Variants in OSBPL10 observed in about 807,000 individuals in gnomAD.
OSBPL10 encodes oxysterol-binding protein-related protein 10.
OSBPL10 carries 49 observed loss-of-function variants against 81.7 expected under a neutral mutation model. That is an observed-to-expected ratio of 0.60 (90% CI 0.48 to 0.76). OSBPL10 has a LOEUF of 0.76. Among genes scored for constraint, OSBPL10 ranks in the 30% least tolerant of loss-of-function variants. The pLI, the probability that OSBPL10 is intolerant of heterozygous loss-of-function variation, is 0.00. For missense variants in OSBPL10, 923 were observed against 987.8 expected, an observed-to-expected ratio of 0.93 and a Z score of 0.88; for synonymous variants, 419 against 383.6, an observed-to-expected ratio of 1.09 and a Z score of -1.08.
chr3:31,847,034 C>T (rs1462271426), intron 3 of OSBPL10, among the ~76,000 whole-genome samples: 1 of 152,004 alleles, frequency 6.6e-6, no homozygotes, highest in African/African-American at 2.4e-5. Flanking sequence ...ACTCTCAGTC[C>T]TCAAAATAAC....
intron 10 of OSBPL10, among the ~76,000 whole-genome samples, chr3:31,667,140 TG>T (rs1700211197): frequency 1.3e-5 from 2 of 152,256 alleles, no homozygotes; most frequent in South Asian, 4.1e-4. Context: ...TCTCAATAGC[TG>T]GATCAGAAAC....
At chr3:32,022,383 G>A (rs1316484834) in intron 2 of OSBPL10, among the ~76,000 whole-genome samples, 1 of 152,168 alleles carries the variant, frequency 6.6e-6, no homozygotes, top group African/African-American at 2.4e-5. Context: ...TGGCGAGGCA[G>A]TTACAGGCAA....
intron 2 of OSBPL10, among the ~76,000 whole-genome samples, chr3:31,992,809 C>T (rs930888401): frequency 6.6e-6 from 1 of 152,220 alleles, no homozygotes; most frequent in Non-Finnish European, 1.5e-5. Flanking sequence ...GCTTGGGCTA[C>T]ATAGCAAGGT....
chr3:32,020,449 A>G (rs565386333), intron 2 of OSBPL10, among the ~76,000 whole-genome samples: 1 of 152,290 alleles, frequency 6.6e-6, no homozygotes, highest in Admixed American at 6.5e-5. Context: ...AGGTTCATCT[A>G]TGTTGTAGCA....
intron 4 of OSBPL10, among the ~76,000 whole-genome samples, chr3:31,810,049 T>G (rs1471129387): frequency 6.6e-6 from 1 of 152,162 alleles, no homozygotes; most frequent in Admixed American, 6.5e-5. Flanking sequence ...TTTCGTATCT[T>G]TGATAGAGAC....
At chr3:31,944,285 G>A (rs1697632133) in intron 1 of OSBPL10, among the ~76,000 whole-genome samples, 1 of 151,830 alleles carries the variant, frequency 6.6e-6, no homozygotes, top group Non-Finnish European at 1.5e-5. Flanking sequence ...ATTTCTACCA[G>A]CAAAAATAAG....
upstream of OSBPL10, among the ~76,000 whole-genome samples, chr3:31,982,293 T>G (rs191180102): frequency 6.0e-3 from 918 of 152,304 alleles, 4 homozygotes; most frequent in Middle Eastern, 0.017. Flanking sequence ...AATATAGATA[T>G]CCATTGTAAT....
In OSBPL10 at chr3:31,664,093, A is replaced by G. The variant is rs1575460234; in HGVS notation, c.2236T>C (p.Tyr746His). 2 of 1,614,004 alleles carry G rather than the reference A, an allele frequency of 1.2e-6. No individual in the cohort carries two copies. The highest frequency in any genetic ancestry group is 4.5e-5 in the East Asian group (2 of 44,852). ...GGCAGAGTTACCTCCTGGATAAAATATTTGGGCTTCCATGGTGTGCGGAGG... is the reference window on the plus strand; with the variant it reads ...GGCAGAGTTACCTCCTGGATAAAATGTTTGGGCTTCCATGGTGTGCGGAGG... ...ENLRTPWKPK[Y>H]FIQEGDGWVY... is the part of the protein sequence containing the mutation. The change falls in exon 11 of 12, where the codon TAT (tyrosine) becomes CAT (histidine). Residue 746 changes from tyrosine to histidine, a missense_variant. Coordinates refer to ENST00000396556, the MANE Select transcript of OSBPL10 (RefSeq NM_017784.5).
chr3:32,026,069 A>ATATGATAGATAGATAGATAGATAGAT (rs1553649796), intron 2 of OSBPL10, among the ~76,000 whole-genome samples: 22 of 101,458 alleles, frequency 2.2e-4, no homozygotes, highest in African/African-American at 6.3e-4. Context: ...ATAGATAGAT[A>ATATGATAGATAGATAGATAGATAGAT]GATAGATAGA....
chr3:32,068,737 T>C (rs1393906191), intron 1 of OSBPL10, among the ~76,000 whole-genome samples: 1 of 151,964 alleles, frequency 6.6e-6, no homozygotes, highest in African/African-American at 2.4e-5. Flanking sequence ...CACACTTCAT[T>C]CTCTCCCTAG....
At chr3:32,026,061 A>AGATAGATGATAGATAGATAGATGATT (rs1553649789) in intron 2 of OSBPL10, among the ~76,000 whole-genome samples, 1 of 90,764 alleles carries the variant, frequency 1.1e-5, no homozygotes, top group Non-Finnish European at 2.5e-5. Flanking sequence ...GATAGATGAT[A>AGATAGATGATAGATAGATAGATGATT]GATAGATAGA....
intron 6 of OSBPL10, among the ~76,000 whole-genome samples, chr3:31,729,240 T>C (rs1255710969): frequency 6.6e-6 from 1 of 152,144 alleles, no homozygotes; most frequent in Non-Finnish European, 1.5e-5. Flanking sequence ...TCATTCAGGA[T>C]GGGTTTATCT....
chr3:31,726,380 G>T (rs926461981), intron 6 of OSBPL10, among the ~76,000 whole-genome samples: 1 of 151,880 alleles, frequency 6.6e-6, no homozygotes, highest in East Asian at 1.9e-4. Context: ...GCAGTGGCAC[G>T]ATCTCTGCTC....
At chr3:31,860,919 C>T (rs185666464) in intron 3 of OSBPL10, among the ~76,000 whole-genome samples, 110 of 151,198 alleles carry the variant, frequency 7.3e-4, no homozygotes, top group African/African-American at 2.5e-3. Context: ...TCATGTTGGC[C>T]AGGCTGGTCT....
At chr3:31,966,688 C>A (rs1388512499) in intron 1 of OSBPL10, among the ~76,000 whole-genome samples, 1 of 150,950 alleles carries the variant, frequency 6.6e-6, no homozygotes, top group East Asian at 1.9e-4. Context: ...AAATGGATCA[C>A]TTCTTTAAAA....
chr3:31,891,851 G>C (rs1695902507), intron 1 of OSBPL10, among the ~76,000 whole-genome samples: 1 of 152,152 alleles, frequency 6.6e-6, no homozygotes, highest in African/African-American at 2.4e-5. Flanking sequence ...ATGTTTTGAA[G>C]AGGGTAGCTC....
intron 6 of OSBPL10, among the ~76,000 whole-genome samples, chr3:31,725,599 T>C (rs1272571358): frequency 6.6e-6 from 1 of 152,196 alleles, no homozygotes; most frequent in South Asian, 2.1e-4. Flanking sequence ...TAGATAGCAA[T>C]CAAGGCCACA....
At chr3:31,698,387 G>C (rs984416618) in intron 7 of OSBPL10, among the ~76,000 whole-genome samples, 2 of 152,000 alleles carry the variant, frequency 1.3e-5, no homozygotes, top group Admixed American at 6.5e-5. Context: ...GGAGGTGGAG[G>C]TTGCAGTAAG....
rs1043871364 is a variant in OSBPL10 at position 31,708,927 on chromosome 3, G to C, written c.1096-6419C>G. ...TGTCTGGTATAGCTGGTACCCCTTG[G>C]CCCTGCTGCAGGGCGGCTGTTGAAG... On this transcript the variant is annotated intron_variant, in intron 6 of 11. Transcript: ENST00000396556. 1.7e-5 allele frequency: 17 copies of C among 985,414 alleles called. No homozygotes were observed. In the African/African-American group the frequency reaches 3.0e-4, roughly 17 times the overall value. The allele number at this position is 985,414 out of a possible 1,614,324, so 61.0% of individuals were successfully genotyped here. A position where few individuals can be genotyped will look rare whatever the true frequency, so the allele number is the denominator to read the frequency against.
Sources: gnomAD v4.1 joint callset for allele counts (sites outside exome capture counted in the v4.1 genomes callset) on GRCh38, gnomAD v4.1.1 for gene constraint, MANE v1.5 for transcripts, NCBI Gene and HGNC (gene_info 2026-07-23, HGNC 2026-07-21) for gene names.